STAT3: variants seen among roughly 807,000 people sequenced by gnomAD.
The protein encoded by STAT3 is signal transducer and activator of transcription 3, also known as DNA-binding protein APRF.
A neutral mutation model predicts 114.3 loss-of-function variants in STAT3; 7 were observed. The ratio of observed to expected loss-of-function variants is 0.06; its 90% CI spans 0.03 to 0.11. The LOEUF (loss-of-function observed/expected upper bound fraction) is 0.11. Among genes scored for constraint, STAT3 ranks in the 10% least tolerant of loss-of-function variants. STAT3 has a pLI of 1.00. For missense variants in STAT3, 364 were observed against 960.9 expected (o/e 0.38, Z 8.21); for synonymous variants, 331 against 354.5 (o/e 0.93, Z 0.74).
intron 1 of STAT3, among the ~76,000 whole-genome samples, chr17:42,380,721 C>T (rs1291966900): frequency 2.0e-5 from 3 of 152,112 alleles, no homozygotes; most frequent in Non-Finnish European, 4.4e-5. Flanking sequence ...AGTAATTCAG[C>T]CTAGGCAACG....
At chr17:42,343,316 C>T (rs1245252539) in intron 4 of STAT3, among the ~76,000 whole-genome samples, 1 of 151,762 alleles carries the variant, frequency 6.6e-6, no homozygotes, top group African/African-American at 2.4e-5. Flanking sequence ...CGGTAAAACC[C>T]CTCACAGAAA....
intron 14 of STAT3, among the ~76,000 whole-genome samples, chr17:42,326,665 C>T (rs1231546971): frequency 6.6e-6 from 1 of 152,022 alleles, no homozygotes; most frequent in African/African-American, 2.4e-5. Context: ...ACTAAGAATA[C>T]AAAAATTAGC....
rs544134677 is a variant in STAT3 at position 42,334,170 on chromosome 17, T to C, written c.798-121A>G. 4.3e-6 allele frequency: 5 copies of C among 1,167,130 alleles called. No individual in the cohort carries two copies. The African/African-American group carries it at 6.1e-5, about 14-fold the overall frequency. The allele number at this position is 1,167,130 out of a possible 1,614,324, so 72.3% of individuals were successfully genotyped here. ...ACAATAAGAACAAGGAATTTTTTTA[T>C]TGTGGTGAAATATATATAGCATGAA... On this transcript the variant is annotated intron_variant, in intron 8 of 23. Coordinates refer to ENST00000264657, the MANE Select transcript of STAT3 (RefSeq NM_139276.3).
At chr17:42,367,013 C>T (rs1021725740) in intron 1 of STAT3, among the ~76,000 whole-genome samples, 7 of 151,482 alleles carry the variant, frequency 4.6e-5, no homozygotes, top group African/African-American at 1.5e-4. Context: ...TAGTGGCAGG[C>T]GCCTGTAATC....
At chr17:42,382,521 G>A (rs565020337) in intron 1 of STAT3, among the ~76,000 whole-genome samples, 5 of 152,202 alleles carry the variant, frequency 3.3e-5, no homozygotes, top group African/African-American at 1.2e-4. Flanking sequence ...CACACACCTC[G>A]GTCCCTGCAA....
intron 1 of STAT3, among the ~76,000 whole-genome samples, chr17:42,376,419 C>T (rs769082359): frequency 3.0e-4 from 45 of 151,714 alleles, no homozygotes; most frequent in South Asian, 4.2e-4. Flanking sequence ...TGGTGGCACA[C>T]GCCTGTAGTC....
At chr17:42,330,333 T>G (rs899023564) in intron 11 of STAT3, among the ~76,000 whole-genome samples, 1 of 152,044 alleles carries the variant, frequency 6.6e-6, no homozygotes, top group Non-Finnish European at 1.5e-5. Context: ...TCGGGCTGGT[T>G]TCGAACTCTC....
intron 15 of STAT3, among the ~76,000 whole-genome samples, chr17:42,325,420 A>T (rs1025580377): frequency 6.6e-6 from 1 of 152,142 alleles, no homozygotes; most frequent in East Asian, 1.9e-4. Flanking sequence ...GGAATCAAAG[A>T]CCAGGATTCC....
chr17:42,360,984 C>G (rs2083479853), intron 1 of STAT3, among the ~76,000 whole-genome samples: 1 of 152,146 alleles, frequency 6.6e-6, no homozygotes, highest in Non-Finnish European at 1.5e-5. Flanking sequence ...CCTCAAATAC[C>G]TGGAAATCTG....
At chr17:42,376,033 C>G (rs1012024707) in intron 1 of STAT3, among the ~76,000 whole-genome samples, 9 of 151,750 alleles carry the variant, frequency 5.9e-5, no homozygotes, top group Non-Finnish European at 1.5e-5. Flanking sequence ...CCCCTGTAAT[C>G]CCAGCTACTC....
At chr17:42,329,715 G>C (rs750257474) in intron 12 of STAT3, 32 bp downstream of exon 12, 4 of 1,614,008 alleles carry the variant, frequency 2.5e-6, no homozygotes, top group African/African-American at 1.3e-5. Context: ...TAGGTTAAAC[G>C]GAACAAAAGG....
In STAT3 at chr17:42,324,578, C is replaced by T. The variant is rs1336386406; in HGVS notation, c.1600+133G>A. 1.8e-5 allele frequency: 24 copies of T among 1,321,668 alleles called. No individual in the cohort carries two copies. The highest frequency in any genetic ancestry group is 6.2e-6 in the Non-Finnish European group (6 of 960,824). The allele number at this position is 1,321,668 out of a possible 1,614,324, so 81.9% of individuals were successfully genotyped here. A position where few individuals can be genotyped will look rare whatever the true frequency, so the allele number is the denominator to read the frequency against. On this transcript the variant is annotated intron_variant, in intron 17 of 23. Transcript: ENST00000264657. The surrounding 1 kb of genome is among the most constrained non-coding windows in gnomAD (Gnocchi z 4.5). ...ACTCCCCAACTCCCCTGTTTCCTGG[C>T]ACCAGCACAGCGCCTTGCTCAGGAA...
rs761633303 is a variant in STAT3, at chr17:42,324,932, G to A, written c.1464+31C>T. On this transcript the variant is annotated intron_variant, in intron 16 of 23. Transcript: ENST00000264657. This position sits in a 1 kb window ranked among gnomAD's most constrained non-coding sequence, Gnocchi z 4.5. ...GTACCCCTAAGTCGCAAGAGATCCC[G>A]GGGCACCAACTAAAAGGAGGGGGCA... is the stretch of plus-strand genomic sequence containing the variant. 18 of 1,613,988 alleles carry A rather than the reference G, an allele frequency of 1.1e-5. No individual in the cohort carries two copies. Among genetic ancestry groups the A allele is most frequent in the South Asian group, 5.5e-5 (5 of 91,074 alleles).
chr17:42,314,753 A>C lies in STAT3; in HGVS notation c.*992T>G. The C allele has an allele frequency of 4.6e-6, 1 of 216,798 alleles. No homozygotes were observed. The highest frequency in any genetic ancestry group is 9.3e-6 in the Non-Finnish European group (1 of 107,608). The allele number at this position is 216,798 out of a possible 1,614,324, so 13.4% of individuals were successfully genotyped here. A position where few individuals can be genotyped will look rare whatever the true frequency, so the allele number is the denominator to read the frequency against. The stretch of plus-strand genomic sequence containing the variant: ...GCCAGGTTGCAGCTTCAGATGTCTT[A>C]AGGGTTTGACCTGAAGCCCGTTTCA... On this transcript the variant is annotated 3_prime_UTR_variant, in exon 24 of 24. Coordinates refer to ENST00000264657, the MANE Select transcript of STAT3 (RefSeq NM_139276.3).
At position 42,388,299 on chromosome 17, in the gene STAT3, G is replaced by A. The variant is rs1222267076; in HGVS notation, c.-44C>T. On this transcript the variant is annotated 5_prime_UTR_variant, in exon 1 of 24. Coordinates refer to ENST00000264657, the MANE Select transcript of STAT3 (RefSeq NM_139276.3). ...TTCACCTGTTTCTCCGGCAGAGGCC[G>A]AGAGGCCGGGGCTGCGCGTGTGCCG... is the stretch of plus-strand genomic sequence containing the variant. 1 of 1,231,624 alleles carries A rather than the reference G, an allele frequency of 8.1e-7. No homozygotes were observed. The highest frequency in any genetic ancestry group is 1.0e-6 in the Non-Finnish European group (1 of 988,012). 76.3% of individuals were successfully genotyped at this position (1,231,624 alleles called of 1,614,324 possible).
Position 42,377,687 on chromosome 17 carries a change from G to A in STAT3, c.-24+10592C>T, listed in dbSNP as rs2084544344. Among the ~76,000 whole-genome samples the A allele has an allele frequency of 2.6e-5, 4 of 152,094 alleles. No homozygotes were observed. In the South Asian group the frequency reaches 8.3e-4, roughly 31 times the overall value. ...TTTCAAAATTTACTCTAAAATATTGGTATTACAATAAAGAAAACTGGAGTC... is the reference window on the plus strand; with the variant it reads ...TTTCAAAATTTACTCTAAAATATTGATATTACAATAAAGAAAACTGGAGTC... On this transcript the variant is annotated intron_variant, in intron 1 of 23. Coordinates refer to ENST00000264657, the MANE Select transcript of STAT3 (RefSeq NM_139276.3).
At chr17:42,339,509 G>C in intron 4 of STAT3, 100 bp from the exon 5 acceptor site, 1 of 1,141,516 alleles carries the variant, frequency 8.8e-7, no homozygotes, top group Non-Finnish European at 1.3e-6. Context: ...TTCTTGTTTG[G>C]CTTGAGACGC....
Position 42,333,715 on chromosome 17 carries a change from G to C in STAT3, c.1007C>G (p.Pro336Arg). ...QPCMPMHPDR[P>R]LVIKTGVQFT... ...CTGGACGCCGGTCTTGATGACGAGG[G>C]GCCGGTCAGGATGCATGGGCATGCA... The change falls in exon 10 of 24, where the codon CCC (proline) becomes CGC (arginine). Residue 336 changes from proline (P) to arginine (R), a missense_variant. By Grantham distance (103) the Pro-to-Arg change is moderately radical. Around this residue, in one of 5 missense-constraint regions of STAT3, gnomAD observed 294 missense variants for 745.1 expected, o/e 0.39. Transcript: ENST00000264657. This position sits in a 1 kb window ranked among gnomAD's most constrained non-coding sequence, Gnocchi z 5.2. 1 of 1,614,126 alleles carries C rather than the reference G, an allele frequency of 6.2e-7. No homozygotes were observed. Among genetic ancestry groups the C allele is most frequent in the Non-Finnish European group, 8.5e-7 (1 of 1,180,042 alleles).
intron 1 of STAT3, among the ~76,000 whole-genome samples, chr17:42,373,419 G>A (rs1476018423): frequency 1.3e-5 from 2 of 152,012 alleles, no homozygotes; most frequent in African/African-American, 2.4e-5. Flanking sequence ...GGGTATGGTG[G>A]CAGGCACCTG....
Sources: gnomAD v4.1 joint callset for allele counts (sites outside exome capture counted in the v4.1 genomes callset) on GRCh38, gnomAD v4.1.1 for gene constraint, gnomAD v4.1.1 regional missense constraint, Gnocchi (gnomAD v3.1) non-coding constraint, MANE v1.5 for transcripts, NCBI Gene and HGNC (gene_info 2026-07-23, HGNC 2026-07-21) for gene names.